The following IRAK3 variants were observed in gnomAD, a reference collection of about 807,000 sequenced individuals.
The protein encoded by IRAK3 is interleukin-1 receptor-associated kinase 3.
Under a neutral mutation model 56.6 loss-of-function variants are expected in IRAK3, and 57 were observed. The ratio of observed to expected loss-of-function variants is 1.01; its 90% confidence interval spans 0.81 to 1.26. The LOEUF (loss-of-function observed/expected upper bound fraction) is 1.26, where lower values mean the gene tolerates loss of function less well. Ranked by LOEUF, IRAK3 falls within the 50% of genes most tolerant of loss-of-function variation. The pLI, the probability that IRAK3 is intolerant of heterozygous loss-of-function variation, is 0.00. For synonymous variants in IRAK3, 258 were observed against 255.7 expected (o/e 1.01, Z -0.09); for missense variants, 703 against 719.0 (o/e 0.98, Z 0.25).
At chr12:66,215,785 T>TGCACGTGCACGTGCGCGCGCGC (rs150339586) in intron 5 of IRAK3, among the ~76,000 whole-genome samples, 8,383 of 30,938 alleles carry the variant, frequency 0.27, 375 homozygotes, top group South Asian at 0.38. Flanking sequence ...TAACCCAACA[T>TGCACGTGCACGTGCGCGCGCGC]GCACACACAC....
intron 1 of IRAK3, among the ~76,000 whole-genome samples, chr12:66,195,981 C>T (rs1289915336): frequency 1.4e-5 from 1 of 69,020 alleles, no homozygotes; most frequent in Non-Finnish European, 3.4e-5. Context: ...AAAATTGACA[C>T]CCCCCCCCAC....
chr12:66,226,392 C>T (rs1052749666), intron 6 of IRAK3, among the ~76,000 whole-genome samples: 5 of 152,100 alleles, frequency 3.3e-5, no homozygotes, highest in Non-Finnish European at 7.4e-5. Flanking sequence ...CAGGTGCTCA[C>T]CACCATGCCC....
At chr12:66,198,749 CTTT>C (rs377740348) in intron 1 of IRAK3, among the ~76,000 whole-genome samples, 1 of 139,616 alleles carries the variant, frequency 7.2e-6, no homozygotes, top group African/African-American at 2.6e-5. Flanking sequence ...TTTCCTTCTC[CTTT>C]TTTTTTTTTT....
intron 8 of IRAK3, chr12:66,234,615 C>T: frequency 1.9e-6 from 3 of 1,611,650 alleles, no homozygotes; most frequent in Non-Finnish European, 2.5e-6. Context: ...TTTTTCTGTC[C>T]TCCATCAGAA....
Position 66,234,172 on chromosome 12 carries a change from C to T in IRAK3, c.887+5802C>T, listed in dbSNP as rs2052877271. The T allele has an allele frequency of 1.9e-6, 3 of 1,614,194 alleles. No individual in the cohort carries two copies. In the East Asian group the frequency reaches 6.7e-5, roughly 36 times the overall value. Reference sequence around the variant, plus strand: ...CCTCCTCAACAGGAGCCGCTGTCGTCTGCATATGTTCATACTGTGGCAAGT... The same window carrying T: ...CCTCCTCAACAGGAGCCGCTGTCGTTTGCATATGTTCATACTGTGGCAAGT... On this transcript the variant is annotated intron_variant, in intron 8 of 11. Transcript: ENST00000261233.
intron 1 of IRAK3, among the ~76,000 whole-genome samples, chr12:66,199,318 C>T (rs2052485319): frequency 6.6e-6 from 1 of 152,148 alleles, no homozygotes; most frequent in African/African-American, 2.4e-5. Context: ...TGTCATAGGT[C>T]GATGGCAGTG....
intron 8 of IRAK3, among the ~76,000 whole-genome samples, chr12:66,239,519 G>GT (rs1307998807): frequency 6.6e-6 from 1 of 152,054 alleles, no homozygotes; most frequent in African/African-American, 2.4e-5. Flanking sequence ...CCAGCTCAGT[G>GT]TTTAACAGGC....
chr12:66,190,138 G>C (rs572547896), intron 1 of IRAK3, among the ~76,000 whole-genome samples: 6 of 152,274 alleles, frequency 3.9e-5, no homozygotes, highest in Middle Eastern at 3.4e-3. Flanking sequence ...TTTTTGGTTA[G>C]ATTTGATATT....
Position 66,235,318 on chromosome 12 carries a change from C to CA in IRAK3, c.887+6948_887+6949insA. On this transcript the variant is annotated intron_variant, in intron 8 of 11. Transcript: ENST00000261233. Reference sequence around the variant, plus strand: ...CGGGCCGCGGCGGCGGGCGCGGGCGCGGGGCAGCCTGGGCGCGGGGCAGCC... The same window carrying CA: ...CGGGCCGCGGCGGCGGGCGCGGGCGCAGGGGCAGCCTGGGCGCGGGGCAGCC... The CA allele has an allele frequency of 4.1e-6, 5 of 1,212,282 alleles. No individual in the cohort carries two copies. The South Asian group carries it at 1.3e-4, about 33-fold the overall frequency. The allele number at this position is 1,212,282 out of a possible 1,614,324, so 75.1% of individuals were successfully genotyped here. A position where few individuals can be genotyped will look rare whatever the true frequency, so the allele number is the denominator to read the frequency against.
At chr12:66,238,847 C>A (rs993657925) in intron 8 of IRAK3, among the ~76,000 whole-genome samples, 1 of 152,118 alleles carries the variant, frequency 6.6e-6, no homozygotes, top group Non-Finnish European at 1.5e-5. Flanking sequence ...AAAAACAAAA[C>A]CTGCTTCCAG....
At chr12:66,219,929 C>T (rs1453905296) in intron 6 of IRAK3, among the ~76,000 whole-genome samples, 1 of 152,072 alleles carries the variant, frequency 6.6e-6, no homozygotes, top group Non-Finnish European at 1.5e-5. Context: ...GTATGAGTTC[C>T]TCACTATTTT....
At chr12:66,237,055 C>T (rs186228367) in intron 8 of IRAK3, among the ~76,000 whole-genome samples, 1 of 152,158 alleles carries the variant, frequency 6.6e-6, no homozygotes, top group East Asian at 1.9e-4. Flanking sequence ...TTTGGGGTCA[C>T]ATAGATCTCA....
Position 66,247,940 on chromosome 12 carries a change from C to T in IRAK3, c.1560C>T (p.Asp520=), listed in dbSNP as rs535365734. The T allele has an allele frequency of 3.1e-6, 5 of 1,613,158 alleles. No homozygotes were observed. Among genetic ancestry groups the T allele is most frequent in the Middle Eastern group, 1.6e-4 (1 of 6,078 alleles). The change falls in exon 12 of 12, where the codon GAC becomes GAT. Residue 520 remains aspartate, a synonymous_variant. Coordinates refer to ENST00000261233, the MANE Select transcript of IRAK3 (RefSeq NM_007199.3). ...SQSEVMFLSL[D]KKPESKRNEE... ...CTGAGGTTATGTTTCTGAGCTTGGA[C>T]AAAAAGCCAGAGAGCAAGAGAAATG...
At chr12:66,228,213 C>G (rs368560080) in intron 7 of IRAK3, 39 bp from the exon 8 acceptor site, 2 of 1,448,804 alleles carry the variant, frequency 1.4e-6, no homozygotes, top group Non-Finnish European at 9.7e-7. Context: ...AGTTTTTACT[C>G]AGAAAGTGCA....
intron 8 of IRAK3, among the ~76,000 whole-genome samples, chr12:66,241,619 G>C (rs573040689): frequency 6.6e-6 from 1 of 152,262 alleles, no homozygotes; most frequent in African/African-American, 2.4e-5. Context: ...CTCAGCTACC[G>C]CTAACCTTTA....
At chr12:66,194,790 C>G (rs2052434655) in intron 1 of IRAK3, among the ~76,000 whole-genome samples, 1 of 149,862 alleles carries the variant, frequency 6.7e-6, no homozygotes, top group African/African-American at 2.5e-5. Flanking sequence ...GATCACACTA[C>G]CGTACTCCAG....
chr12:66,253,975 T>C lies in IRAK3; in HGVS notation c.*5804T>C, dbSNP rs1034255208. 2.6e-5 allele frequency: 4 copies of C among 152,198 alleles called. No individual in the cohort carries two copies. The highest frequency in any genetic ancestry group is 4.1e-4 in the South Asian group (2 of 4,832). 9.4% of individuals were successfully genotyped at this position (152,198 alleles called of 1,614,324 possible). ...ATTAAAAGTGTCCTCTATTTGAACA[T>C]GAAAACAGCTAATAAAGATGTGTTA... On this transcript the variant is annotated 3_prime_UTR_variant, in exon 12 of 12. Transcript: ENST00000261233.
intron 2 of IRAK3, among the ~76,000 whole-genome samples, chr12:66,204,778 G>GCGCGCACACACACACACA (rs1026097833): frequency 6.8e-5 from 10 of 147,810 alleles, no homozygotes; most frequent in African/African-American, 2.5e-4. Context: ...GAGCCCTTGC[G>GCGCGCACACACACACACA]CACACACACA....
chr12:66,217,378 G>T, intron 6 of IRAK3, 143 bp downstream of exon 6: 1 of 758,980 alleles, frequency 1.3e-6, no homozygotes, highest in Non-Finnish European at 2.4e-6. Flanking sequence ...TTTGATATCT[G>T]CTTTAGTATA....
Sources: allele counts gnomAD v4.1 joint callset (sites outside exome capture counted in the v4.1 genomes callset), GRCh38; gene constraint gnomAD v4.1.1; transcripts MANE v1.5; gene names NCBI Gene and HGNC (gene_info 2026-07-23, HGNC 2026-07-21).